DPF3: variants seen among roughly 807,000 people sequenced by gnomAD.
DPF3 encodes double PHD fingers 3, also known as zinc finger protein DPF3.
A neutral mutation model predicts 56.8 loss-of-function variants in DPF3; 18 were observed. The observed-to-expected ratio is 0.32, with a 90% CI of 0.22 to 0.47. The LOEUF (loss-of-function observed/expected upper bound fraction) is 0.47. Among genes scored for constraint, DPF3 ranks in the 20% least tolerant of loss-of-function variants. DPF3 has a pLI of 1.00. For synonymous variants in DPF3, 188 were observed against 180.2 expected, an observed-to-expected ratio of 1.04 and a Z score of -0.35; for missense variants, 403 against 488.8, an observed-to-expected ratio of 0.82 and a Z score of 1.65.
intron 5 of DPF3, among the ~76,000 whole-genome samples, chr14:72,722,320 C>G (rs890829200): frequency 2.0e-5 from 3 of 152,172 alleles, no homozygotes; most frequent in Non-Finnish European, 4.4e-5. Context: ...AGCTGCCCGC[C>G]CAGCCCCTGC....
chr14:72,876,472 G>A (rs551463617), intron 1 of DPF3, among the ~76,000 whole-genome samples: 2 of 152,074 alleles, frequency 1.3e-5, no homozygotes, highest in Non-Finnish European at 1.5e-5. Flanking sequence ...CTGCCAAACC[G>A]GGACTCTGCT....
chr14:72,748,254 C>T (rs1781816278), intron 3 of DPF3, among the ~76,000 whole-genome samples: 1 of 152,226 alleles, frequency 6.6e-6, no homozygotes, highest in Non-Finnish European at 1.5e-5. Flanking sequence ...GCAAAGGTGA[C>T]TCTTGTTACA....
chr14:72,642,353 T>G (rs762489484), intron 8 of DPF3, among the ~76,000 whole-genome samples: 11 of 152,198 alleles, frequency 7.2e-5, no homozygotes, highest in Non-Finnish European at 1.5e-4. Context: ...CACCAGACAT[T>G]TGACAGAACT....
intron 7 of DPF3, among the ~76,000 whole-genome samples, chr14:72,679,858 G>T (rs1274896257): frequency 6.6e-6 from 1 of 152,236 alleles, no homozygotes; most frequent in African/African-American, 2.4e-5. Context: ...GGCGGGACGT[G>T]CTGGCTAGGC....
chr14:72,848,308 C>T (rs1884840643), intron 1 of DPF3, among the ~76,000 whole-genome samples: 1 of 152,112 alleles, frequency 6.6e-6, no homozygotes, highest in South Asian at 2.1e-4. Context: ...GGATTACAAG[C>T]ATGCACCACC....
chr14:72,768,418 G>A (rs1274660848), intron 2 of DPF3, among the ~76,000 whole-genome samples: 4 of 152,110 alleles, frequency 2.6e-5, no homozygotes, highest in Non-Finnish European at 2.9e-5. Context: ...GAATAGTTTT[G>A]TATCTTGATT....
At chr14:72,642,526 G>A (rs1885593845) in intron 8 of DPF3, among the ~76,000 whole-genome samples, 1 of 152,206 alleles carries the variant, frequency 6.6e-6, no homozygotes, top group Non-Finnish European at 1.5e-5. Context: ...GCTAATAGTG[G>A]GAACAAAGAT....
At position 72,662,890 on chromosome 14, in the gene DPF3, C is replaced by T. The variant is rs369942998; in HGVS notation, c.871+11350G>A. The T allele has an allele frequency of 2.6e-4, 236 of 918,018 alleles. No homozygotes were observed. In the African/African-American group the frequency reaches 3.8e-3, roughly 15 times the overall value. 56.9% of individuals were successfully genotyped at this position (918,018 alleles called of 1,614,324 possible). Reference sequence around the variant, plus strand: ...AAAAAACAACAGCATGGAACAACTACTTAAAAAAGAAAGATGAAAATTAAG... The same window carrying T: ...AAAAAACAACAGCATGGAACAACTATTTAAAAAAGAAAGATGAAAATTAAG... On this transcript the variant is annotated intron_variant, in intron 8 of 10. Coordinates refer to ENST00000556509, the MANE Select transcript of DPF3 (RefSeq NM_001280542.3).
chr14:72,757,642 A>T (rs1890892422), intron 2 of DPF3, among the ~76,000 whole-genome samples: 1 of 152,182 alleles, frequency 6.6e-6, no homozygotes, highest in African/African-American at 2.4e-5. Flanking sequence ...CAATTTAAAA[A>T]AATACAATAT....
intron 8 of DPF3, among the ~76,000 whole-genome samples, chr14:72,643,299 C>T (rs1885614392): frequency 6.6e-6 from 1 of 152,204 alleles, no homozygotes; most frequent in African/African-American, 2.4e-5. Context: ...CCTCCATTTG[C>T]ACCACATAAG....
intron 3 of DPF3, among the ~76,000 whole-genome samples, chr14:72,736,566 G>C (rs1477213765): frequency 6.6e-6 from 1 of 152,068 alleles, no homozygotes; most frequent in Non-Finnish European, 1.5e-5. Flanking sequence ...AGAGTGAAAG[G>C]GTAGCCATCC....
At chr14:72,826,064 A>G (rs2140042857) in intron 1 of DPF3, among the ~76,000 whole-genome samples, 1 of 152,258 alleles carries the variant, frequency 6.6e-6, no homozygotes, top group East Asian at 1.9e-4. Context: ...GGCTCTTCCA[A>G]GTCTAAAATT....
intron 8 of DPF3, among the ~76,000 whole-genome samples, chr14:72,641,987 A>G (rs992982372): frequency 2.6e-5 from 4 of 152,238 alleles, no homozygotes; most frequent in Non-Finnish European, 5.9e-5. Context: ...AAAGGCCCAC[A>G]TGGCAAGGAG....
chr14:72,657,777 A>G (rs771556698), intron 8 of DPF3, among the ~76,000 whole-genome samples: 8 of 152,198 alleles, frequency 5.3e-5, no homozygotes, highest in African/African-American at 9.7e-5. Flanking sequence ...ATTCCTGTAC[A>G]TATCCTCTAC....
chr14:72,797,432 G>A lies in DPF3; in HGVS notation c.33-25539C>T, dbSNP rs118156931. 9.0e-3 allele frequency among the ~76,000 whole-genome samples: 1,370 copies of A among 152,320 alleles called. 15 individuals are homozygous for A. Among genetic ancestry groups the A allele is most frequent in the South Asian group, 0.024 (114 of 4,820 alleles). On this transcript the variant is annotated intron_variant, in intron 1 of 10. Transcript: ENST00000556509. Reference sequence around the variant, plus strand: ...AAAACTAACAGAGGCAGGAGTCAATGTCTCATTCATCTTTATATCTTCAAC... The same window carrying A: ...AAAACTAACAGAGGCAGGAGTCAATATCTCATTCATCTTTATATCTTCAAC...
At chr14:72,717,976 C>T (rs1269227947) in intron 5 of DPF3, among the ~76,000 whole-genome samples, 6 of 152,200 alleles carry the variant, frequency 3.9e-5, no homozygotes, top group Non-Finnish European at 7.3e-5. Flanking sequence ...CGGGAGTAGT[C>T]ACCTGATTCA....
chr14:72,648,569 G>GAAAAAAAAA (rs11348282), intron 8 of DPF3, among the ~76,000 whole-genome samples: 2 of 92,882 alleles, frequency 2.2e-5, no homozygotes, highest in African/African-American at 3.8e-5. Context: ...TCTCAAAAAA[G>GAAAAAAAAA]AAAAAAAAAA....
At chr14:72,726,352 T>C (rs890629737) in intron 4 of DPF3, among the ~76,000 whole-genome samples, 6 of 152,186 alleles carry the variant, frequency 3.9e-5, no homozygotes, top group African/African-American at 1.4e-4. Flanking sequence ...ATATGGACTC[T>C]GGGTTGGAAG....
intron 3 of DPF3, among the ~76,000 whole-genome samples, chr14:72,745,870 G>T: frequency 6.6e-6 from 1 of 152,152 alleles, no homozygotes; most frequent in East Asian, 1.9e-4. Context: ...AATACTGTCC[G>T]AGTTAGCCCT....
Sources: gnomAD v4.1 joint callset for allele counts (sites outside exome capture counted in the v4.1 genomes callset) on GRCh38, gnomAD v4.1.1 for gene constraint, MANE v1.5 for transcripts, NCBI Gene and HGNC (gene_info 2026-07-23, HGNC 2026-07-21) for gene names.